Variants in SNTB1 observed in about 807,000 individuals in gnomAD.
SNTB1 encodes the protein beta-1-syntrophin.
Under a neutral mutation model 48.9 loss-of-function variants are expected in SNTB1, and 36 were observed. The observed-to-expected ratio is 0.74, with a 90% CI of 0.56 to 0.97. SNTB1 has a LOEUF of 0.97. SNTB1 is among the 50% of genes least tolerant of loss of function. The pLI is 0.00. For missense variants in SNTB1, 786 were observed against 703.4 expected (o/e 1.12, Z -1.33); for synonymous variants, 299 against 294.6 (o/e 1.01, Z -0.15).
chr8:120,657,193 TTGAAGTTGGATGACCCAACA>T (rs1817515953), intron 2 of SNTB1, among the ~76,000 whole-genome samples: 1 of 152,214 alleles, frequency 6.6e-6, no homozygotes, highest in African/African-American at 2.4e-5. Context: ...TTTCCAATAA[TTGAAGTTGGATGACCCAACA>T]TCCTTGATGC....
intron 1 of SNTB1, among the ~76,000 whole-genome samples, chr8:120,756,068 C>T (rs762305470): frequency 1.2e-4 from 19 of 152,084 alleles, no homozygotes; most frequent in South Asian, 4.2e-4. Flanking sequence ...AAAGAGATGC[C>T]TACATTGGAG....
chr8:120,618,794 C>A (rs1337832275), intron 3 of SNTB1, among the ~76,000 whole-genome samples: 1 of 152,076 alleles, frequency 6.6e-6, no homozygotes, highest in Non-Finnish European at 1.5e-5. Context: ...TGAAGCTTGG[C>A]AAGGAGGAGA....
At chr8:120,674,845 C>G (rs73708608) in intron 2 of SNTB1, among the ~76,000 whole-genome samples, 3 of 151,954 alleles carry the variant, frequency 2.0e-5, no homozygotes, top group African/African-American at 7.3e-5. Flanking sequence ...CAAAAATTAG[C>G]GGCCTTGTCT....
chr8:120,800,602 C>T (rs532112912), intron 1 of SNTB1, among the ~76,000 whole-genome samples: 2 of 151,890 alleles, frequency 1.3e-5, no homozygotes, highest in African/African-American at 2.4e-5. Flanking sequence ...AGAGTAGCAG[C>T]GCTCCAGGAA....
At chr8:120,686,314 T>C (rs1818031443) in intron 2 of SNTB1, among the ~76,000 whole-genome samples, 1 of 152,228 alleles carries the variant, frequency 6.6e-6, no homozygotes, top group Non-Finnish European at 1.5e-5. Context: ...TTGGGTAGTT[T>C]ACAAACAATA....
chr8:120,539,691 G>A (rs1028925097), intron 6 of SNTB1, among the ~76,000 whole-genome samples: 4 of 152,186 alleles, frequency 2.6e-5, no homozygotes, highest in African/African-American at 7.2e-5. Context: ...AATTGGGAGA[G>A]TTGTTCTCAA....
intron 2 of SNTB1, among the ~76,000 whole-genome samples, chr8:120,679,191 G>C (rs1304486264): frequency 6.6e-6 from 1 of 152,154 alleles, no homozygotes; most frequent in Non-Finnish European, 1.5e-5. Context: ...GATGACACCT[G>C]TCTCCTGACT....
intron 3 of SNTB1, among the ~76,000 whole-genome samples, chr8:120,617,667 C>A (rs1048587690): frequency 1.1e-4 from 16 of 152,250 alleles, no homozygotes; most frequent in African/African-American, 3.9e-4. Context: ...TGTTGGTCAG[C>A]CTTGGTGGGC....
chr8:120,736,048 T>TTTTCAA (rs1221542119), intron 1 of SNTB1, among the ~76,000 whole-genome samples: 3 of 151,798 alleles, frequency 2.0e-5, no homozygotes, highest in South Asian at 4.2e-4. Context: ...CCTCAGGAAA[T>TTTTCAA]TTTCAATCAT....
intron 3 of SNTB1, among the ~76,000 whole-genome samples, chr8:120,591,582 G>C (rs1331448850): frequency 6.6e-6 from 1 of 152,172 alleles, no homozygotes; most frequent in Non-Finnish European, 1.5e-5. Context: ...ACAATGCTAT[G>C]GGTAGTAGAT....
intron 1 of SNTB1, among the ~76,000 whole-genome samples, chr8:120,747,533 C>G (rs768066915): frequency 6.6e-6 from 1 of 152,124 alleles, no homozygotes; most frequent in Non-Finnish European, 1.5e-5. Flanking sequence ...TCTATTGATC[C>G]GCCTGCCTCA....
chr8:120,610,836 T>C (rs1231426444), intron 3 of SNTB1, among the ~76,000 whole-genome samples: 2 of 152,184 alleles, frequency 1.3e-5, no homozygotes, highest in African/African-American at 2.4e-5. Flanking sequence ...ATTATTACTT[T>C]AGAGAGGCAA....
At chr8:120,806,835 A>C (rs1223112391) in intron 1 of SNTB1, among the ~76,000 whole-genome samples, 1 of 152,212 alleles carries the variant, frequency 6.6e-6, no homozygotes, top group African/African-American at 2.4e-5. Flanking sequence ...ATAAAATAAG[A>C]TTCCTTAAAA....
chr8:120,714,242 T>C (rs982673545), intron 1 of SNTB1, among the ~76,000 whole-genome samples: 1 of 152,228 alleles, frequency 6.6e-6, no homozygotes, highest in Admixed American at 6.5e-5. Flanking sequence ...ACAGAACCCC[T>C]CCTCTGTTAG....
At position 120,600,015 on chromosome 8, in the gene SNTB1, A is replaced by C. The variant is rs149447901; in HGVS notation, c.997-24790T>G. Among the ~76,000 whole-genome samples the C allele has an allele frequency of 6.3e-3, 965 of 152,334 alleles. 7 individuals are homozygous for C. Among genetic ancestry groups the C allele is most frequent in the African/African-American group, 0.022 (894 of 41,560 alleles). Reference sequence around the variant, plus strand: ...CCGGGAAGTAACAAGAAACACAGAAAACATGATCTAGCTCCTCAAAATTTT... The same window carrying C: ...CCGGGAAGTAACAAGAAACACAGAACACATGATCTAGCTCCTCAAAATTTT... On this transcript the variant is annotated intron_variant, in intron 3 of 6. Coordinates refer to ENST00000517992, the MANE Select transcript of SNTB1 (RefSeq NM_021021.4).
chr8:120,719,658 C>T (rs970827762), intron 1 of SNTB1, among the ~76,000 whole-genome samples: 3 of 152,086 alleles, frequency 2.0e-5, no homozygotes, highest in Non-Finnish European at 2.9e-5. Flanking sequence ...GTTTGGCTTC[C>T]CCCAAAAGCA....
intron 3 of SNTB1, among the ~76,000 whole-genome samples, chr8:120,600,414 G>A (rs1317321368): frequency 1.3e-5 from 2 of 152,192 alleles, no homozygotes; most frequent in African/African-American, 4.8e-5. Flanking sequence ...CACCATCTTG[G>A]ATGGTACAGC....
intron 1 of SNTB1, among the ~76,000 whole-genome samples, chr8:120,700,352 G>C (rs915374311): frequency 7.9e-5 from 12 of 152,258 alleles, no homozygotes; most frequent in Admixed American, 5.9e-4. Context: ...TCATAATAGA[G>C]GGTTTAACCT....
intron 1 of SNTB1, among the ~76,000 whole-genome samples, chr8:120,749,270 T>C (rs1055334440): frequency 1.3e-5 from 2 of 152,184 alleles, no homozygotes; most frequent in African/African-American, 4.8e-5. Flanking sequence ...GGCAAACCAC[T>C]GATTGCAGGA....
Sources: gnomAD v4.1 joint callset for allele counts (sites outside exome capture counted in the v4.1 genomes callset) on GRCh38, gnomAD v4.1.1 for gene constraint, MANE v1.5 for transcripts, NCBI Gene and HGNC (gene_info 2026-07-23, HGNC 2026-07-21) for gene names.